Variants in PTPRN2 observed in about 807,000 individuals in gnomAD.
The protein encoded by PTPRN2 is protein tyrosine phosphatase receptor type N2, also known as receptor-type tyrosine-protein phosphatase N2.
In PTPRN2, 74 loss-of-function variants were observed where a neutral mutation model predicts 118.8. That is an observed-to-expected ratio of 0.62 (90% CI 0.52 to 0.76). The LOEUF is 0.76. PTPRN2 is among the 30% of genes least tolerant of loss of function. PTPRN2 has a pLI of 0.00. For synonymous variants in PTPRN2, 641 were observed against 608.0 expected (o/e 1.05, Z -0.80); for missense variants, 1,481 against 1,394.4 (o/e 1.06, Z -0.99).
chr7:158,130,255 C>T (rs1818057419), intron 9 of PTPRN2, among the ~76,000 whole-genome samples: 1 of 152,204 alleles, frequency 6.6e-6, no homozygotes, highest in Non-Finnish European at 1.5e-5. Context: ...CATGCAGCTC[C>T]CACCTCCAGT....
At chr7:157,645,742 T>C (rs1805027674) in intron 14 of PTPRN2, among the ~76,000 whole-genome samples, 1 of 152,172 alleles carries the variant, frequency 6.6e-6, no homozygotes, top group Non-Finnish European at 1.5e-5. Context: ...CGGCTGGCCC[T>C]GGGGAGGGGG....
rs369414705 is a variant in PTPRN2 at position 158,136,644 on chromosome 7, C to T, written c.1173+11G>A. The T allele has an allele frequency of 1.6e-4, 264 of 1,611,202 alleles. No individual in the cohort carries two copies. Among genetic ancestry groups the T allele is most frequent in the Non-Finnish European group, 2.0e-4 (240 of 1,177,544 alleles). On this transcript the variant is annotated intron_variant, in intron 8 of 22. Coordinates refer to ENST00000389418, the MANE Select transcript of PTPRN2 (RefSeq NM_002847.5). Reference sequence around the variant, plus strand: ...TTTAACATGAAACAAACACCAGAGACGTCATCTTACCTCTTGGTAAAGTCT... The same window carrying T: ...TTTAACATGAAACAAACACCAGAGATGTCATCTTACCTCTTGGTAAAGTCT...
intron 17 of PTPRN2, among the ~76,000 whole-genome samples, chr7:157,595,013 C>T (rs1318554861): frequency 6.6e-6 from 1 of 152,118 alleles, no homozygotes; most frequent in Non-Finnish European, 1.5e-5. Flanking sequence ...AAGTAATGAT[C>T]TTGAAAGCAT....
chr7:157,790,433 G>A (rs905338352), intron 12 of PTPRN2, among the ~76,000 whole-genome samples: 1 of 152,004 alleles, frequency 6.6e-6, no homozygotes, highest in African/African-American at 2.4e-5. Context: ...GAGACCGGGC[G>A]CTCCTGCAGG....
At chr7:157,755,481 T>G (rs1274667383) in intron 12 of PTPRN2, among the ~76,000 whole-genome samples, 1 of 152,178 alleles carries the variant, frequency 6.6e-6, no homozygotes, top group Non-Finnish European at 1.5e-5. Flanking sequence ...TTTGAGAAGT[T>G]GAGTCATCCT....
In PTPRN2 at chr7:157,721,948, TCAA is replaced by T. The variant is rs138258570; in HGVS notation, c.1789-39014_1789-39012del. On this transcript the variant is annotated intron_variant, in intron 12 of 22. Coordinates refer to ENST00000389418, the MANE Select transcript of PTPRN2 (RefSeq NM_002847.5). ...GTGTCTTCAAACGAGAACACTTCATTCAACAGACTTTTCCCGAAGACCACGTGC... is the reference window on the plus strand; with the variant it reads ...GTGTCTTCAAACGAGAACACTTCATTCAGACTTTTCCCGAAGACCACGTGC... Among the ~76,000 whole-genome samples, 83 of 152,324 alleles carry T rather than the reference TCAA, an allele frequency of 5.4e-4. 1 individual carries two copies. In the Middle Eastern group the frequency reaches 0.017, roughly 31 times the overall value.
chr7:158,523,303 A>G (rs1824359117), intron 1 of PTPRN2, among the ~76,000 whole-genome samples: 1 of 151,844 alleles, frequency 6.6e-6, no homozygotes, highest in Non-Finnish European at 1.5e-5. Context: ...TGCGGACAAG[A>G]GATTAGCCAA....
chr7:158,221,104 C>G (rs186701876), intron 3 of PTPRN2, among the ~76,000 whole-genome samples: 1 of 152,062 alleles, frequency 6.6e-6, no homozygotes, highest in Non-Finnish European at 1.5e-5. Flanking sequence ...TCAACAAAAA[C>G]AAGAAATGGA....
chr7:157,954,241 T>C (rs1260136522), intron 11 of PTPRN2, among the ~76,000 whole-genome samples: 2 of 50,262 alleles, frequency 4.0e-5, no homozygotes, highest in African/African-American at 1.4e-4. Context: ...ATGTGGGTGG[T>C]GCCTGTGTAC....
chr7:158,013,299 G>C (rs547764923), intron 11 of PTPRN2, among the ~76,000 whole-genome samples: 1 of 152,204 alleles, frequency 6.6e-6, no homozygotes, highest in Non-Finnish European at 1.5e-5. Flanking sequence ...GTTTCCAAGA[G>C]AGTGTTCATT....
chr7:157,720,008 G>A (rs879813904), intron 12 of PTPRN2, among the ~76,000 whole-genome samples: 7 of 146,108 alleles, frequency 4.8e-5, no homozygotes, highest in Non-Finnish European at 1.1e-4. Flanking sequence ...TCACCCACTG[G>A]TAAGACAGCC....
chr7:157,972,380 T>A (rs1434661007), intron 11 of PTPRN2, among the ~76,000 whole-genome samples: 1 of 152,198 alleles, frequency 6.6e-6, no homozygotes, highest in Non-Finnish European at 1.5e-5. Context: ...CACATGGGCA[T>A]TAACCTGCTG....
At chr7:158,283,239 C>T (rs770898445) in intron 3 of PTPRN2, among the ~76,000 whole-genome samples, 10 of 152,234 alleles carry the variant, frequency 6.6e-5, no homozygotes, top group Non-Finnish European at 1.2e-4. Flanking sequence ...AGGCGGCAGC[C>T]GTCACAGGTA....
chr7:158,020,172 C>T lies in PTPRN2; in HGVS notation c.1723+61126G>A, dbSNP rs576286676. Among the ~76,000 whole-genome samples the T allele has an allele frequency of 6.3e-4, 96 of 152,286 alleles. 1 individual carries two copies. Among genetic ancestry groups the T allele is most frequent in the Admixed American group, 1.0e-3 (16 of 15,294 alleles). ...GGGTGACCCCAGCCCCAGTGCTGCC[C>T]GTTATTGCTGCCACTGTCATTATCA... On this transcript the variant is annotated intron_variant, in intron 11 of 22. Transcript: ENST00000389418.
At chr7:158,488,260 A>T (rs1193610844) in intron 2 of PTPRN2, among the ~76,000 whole-genome samples, 1 of 152,156 alleles carries the variant, frequency 6.6e-6, no homozygotes, top group Non-Finnish European at 1.5e-5. Context: ...AGTAGATGCC[A>T]GGGAGCCCCA....
At chr7:158,284,775 C>T (rs151110079) in intron 3 of PTPRN2, among the ~76,000 whole-genome samples, 3 of 152,186 alleles carry the variant, frequency 2.0e-5, no homozygotes, top group African/African-American at 4.8e-5. Context: ...CAGGTGCAGG[C>T]GATGAATGTA....
rs899408226 is a variant in PTPRN2, at chr7:157,974,908, G to A, written c.1724-76171C>T. 6.6e-6 allele frequency among the ~76,000 whole-genome samples: 1 copy of A among 152,104 alleles called. No homozygotes were observed. Among genetic ancestry groups the A allele is most frequent in the Non-Finnish European group, 1.5e-5 (1 of 67,998 alleles). ...CCTCAGGCATGTTCACCATCATGGC[G>A]CACATGTCTGGGAGTGAGCAGAGGA... On this transcript the variant is annotated intron_variant, in intron 11 of 22. Coordinates refer to ENST00000389418, the MANE Select transcript of PTPRN2 (RefSeq NM_002847.5). The surrounding 1 kb of genome is among the most constrained non-coding windows in gnomAD (Gnocchi z 4.0).
At chr7:158,221,832 C>G (rs73176109) in intron 3 of PTPRN2, among the ~76,000 whole-genome samples, 25,838 of 151,854 alleles carry the variant, frequency 0.17, 2,454 homozygotes, top group Non-Finnish European at 0.22. Context: ...TATCAGCATC[C>G]AAAAGAAATT....
At chr7:158,070,995 G>T (rs1366997770) in intron 11 of PTPRN2, among the ~76,000 whole-genome samples, 2 of 120,198 alleles carry the variant, frequency 1.7e-5, no homozygotes, top group South Asian at 3.0e-4. Context: ...GGTGGTGGAG[G>T]TGCTCATGGT....
Sources: allele counts gnomAD v4.1 joint callset (sites outside exome capture counted in the v4.1 genomes callset), GRCh38; gene constraint gnomAD v4.1.1; non-coding constraint Gnocchi (gnomAD v3.1); transcripts MANE v1.5; gene names NCBI Gene and HGNC (gene_info 2026-07-23, HGNC 2026-07-21).